Variants in GPC6 observed in about 807,000 individuals in gnomAD.
The protein encoded by GPC6 is glypican 6.
A neutral mutation model predicts 55.2 loss-of-function variants in GPC6; 14 were observed. The observed-to-expected ratio is 0.25, with a 90% CI of 0.17 to 0.40. GPC6 has a LOEUF of 0.40. Ranked by LOEUF, GPC6 falls within the 10% of genes least tolerant of loss-of-function variation. GPC6 has a pLI of 1.00. For synonymous variants in GPC6, 278 were observed against 259.6 expected (o/e 1.07, Z -0.68); for missense variants, 641 against 708.5 (o/e 0.90, Z 1.08).
At chr13:93,571,668 T>C (rs994507063) in intron 2 of GPC6, among the ~76,000 whole-genome samples, 5 of 152,206 alleles carry the variant, frequency 3.3e-5, no homozygotes, top group Admixed American at 6.5e-5. Context: ...CAGACTCTAA[T>C]TGCTGATTAA....
At chr13:94,261,340 C>T (rs731753) in intron 4 of GPC6, among the ~76,000 whole-genome samples, 27,362 of 152,064 alleles carry the variant, frequency 0.18, 2,738 homozygotes, top group East Asian at 0.28. Flanking sequence ...CAGGGTATGA[C>T]ACTGTTCTTG....
chr13:93,830,472 G>T lies in GPC6; in HGVS notation c.638G>T (p.Arg213Leu), dbSNP rs757847020. ...VPRKLKIQVT[R>L]AFIAARTFVQ... Reference sequence around the variant, plus strand: ...CGGAAACTGAAGATTCAGGTTACCCGCGCCTTCATTGCTGCCAGGACCTTT... The same window carrying T: ...CGGAAACTGAAGATTCAGGTTACCCTCGCCTTCATTGCTGCCAGGACCTTT... Residue 213 changes from arginine (R) to leucine (L), a missense_variant, in exon 3 of 9, where the codon CGC becomes CTC. Arg to Leu is a moderately radical substitution (Grantham distance 102, BLOSUM62 -2). Transcript: ENST00000377047. The T allele has an allele frequency of 3.1e-6, 5 of 1,613,810 alleles. No homozygotes were observed. In the South Asian group the frequency reaches 5.5e-5, roughly 18 times the overall value.
At chr13:94,016,882 A>G (rs1195013908) in intron 3 of GPC6, among the ~76,000 whole-genome samples, 2 of 151,002 alleles carry the variant, frequency 1.3e-5, no homozygotes, top group Admixed American at 1.3e-4. Context: ...TTGCCCAGGC[A>G]GGAGTGCAAT....
Position 94,403,086 on chromosome 13 carries a change from G to C in GPC6, c.1537G>C (p.Val513Leu). 6.2e-7 allele frequency: 1 copy of C among 1,613,948 alleles called. No individual in the cohort carries two copies. Among genetic ancestry groups the C allele is most frequent in the South Asian group, 1.1e-5 (1 of 91,084 alleles). Reference protein sequence around the residue: ...DDVCPTEFEFVTTEAPAVDPD... With the variant: ...DDVCPTEFEFLTTEAPAVDPD... ...CGTGTGTCCCACGGAGTTTGAGTTT[G>C]TCACCACAGAGGCCCCCGCAGTGGA... The change falls in exon 9 of 9, where the codon GTC (valine) becomes CTC (leucine). Residue 513 changes from valine (V) to leucine (L), a missense_variant. Coordinates refer to ENST00000377047, the MANE Select transcript of GPC6 (RefSeq NM_005708.5).
In GPC6 at chr13:93,957,006, C is replaced by G. The variant is rs190544703; in HGVS notation, c.712-70723C>G. Among the ~76,000 whole-genome samples the G allele has an allele frequency of 6.4e-4, 98 of 152,174 alleles. 1 individual carries two copies. Among genetic ancestry groups the G allele is most frequent in the Non-Finnish European group, 2.2e-4 (15 of 68,006 alleles). ...GGAATATCTATTGATATGGTATTCC[C>G]AAATTAGCCCAGGATCTAAACCCAT... is the stretch of plus-strand genomic sequence containing the variant. On this transcript the variant is annotated intron_variant, in intron 3 of 8. Coordinates refer to ENST00000377047, the MANE Select transcript of GPC6 (RefSeq NM_005708.5).
intron 2 of GPC6, among the ~76,000 whole-genome samples, chr13:93,679,449 AG>A (rs1255264628): frequency 1.3e-5 from 2 of 152,218 alleles, no homozygotes; most frequent in Non-Finnish European, 2.9e-5. Context: ...ACATGCCAAA[AG>A]AAAAGAATGC....
chr13:93,388,462 CAG>C (rs1875489062), intron 1 of GPC6, among the ~76,000 whole-genome samples: 1 of 152,172 alleles, frequency 6.6e-6, no homozygotes, highest in African/African-American at 2.4e-5. Context: ...AATGAGGAGA[CAG>C]AGATCATTTG....
At chr13:93,930,431 C>T (rs1314593632) in intron 3 of GPC6, among the ~76,000 whole-genome samples, 4 of 151,878 alleles carry the variant, frequency 2.6e-5, no homozygotes, top group African/African-American at 9.7e-5. Flanking sequence ...GCCACCACAC[C>T]TGGCTAATTT....
chr13:93,517,827 T>C (rs1246526568), intron 1 of GPC6, among the ~76,000 whole-genome samples: 1 of 152,054 alleles, frequency 6.6e-6, no homozygotes, highest in East Asian at 1.9e-4. Context: ...AATGCCTTCA[T>C]ATTAGATAAG....
intron 2 of GPC6, among the ~76,000 whole-genome samples, chr13:93,727,005 G>C (rs533916754): frequency 6.6e-6 from 1 of 152,132 alleles, no homozygotes; most frequent in South Asian, 2.1e-4. Context: ...TATAAATAGG[G>C]CTCCATTTAC....
intron 3 of GPC6, among the ~76,000 whole-genome samples, chr13:93,977,135 T>G (rs1356786416): frequency 1.3e-5 from 2 of 152,140 alleles, no homozygotes; most frequent in Non-Finnish European, 2.9e-5. Context: ...GGGTTCAAAT[T>G]GTTTTCATTA....
intron 1 of GPC6, among the ~76,000 whole-genome samples, chr13:93,243,552 AG>A (rs918165933): frequency 1.9e-4 from 29 of 152,184 alleles, no homozygotes; most frequent in African/African-American, 7.0e-4. Flanking sequence ...CCGGTCTCCC[AG>A]TGGCAGGTGC....
At chr13:94,280,116 T>C (rs1451349549) in intron 4 of GPC6, among the ~76,000 whole-genome samples, 1 of 152,214 alleles carries the variant, frequency 6.6e-6, no homozygotes, top group Non-Finnish European at 1.5e-5. Flanking sequence ...TTTATAAATC[T>C]GGGTGCTCTT....
At chr13:94,108,804 TGCACTCCAGCCTGAGCAACAAGAGCGA>T (rs967397682) in intron 4 of GPC6, among the ~76,000 whole-genome samples, 1 of 150,858 alleles carries the variant, frequency 6.6e-6, no homozygotes, top group African/African-American at 2.4e-5. Context: ...ATGGCAGCAT[TGCACTCCAGCCTGAGCAACAAGAGCGA>T]GACTCCGTCT....
chr13:93,558,690 T>A (rs1463457008), intron 2 of GPC6, among the ~76,000 whole-genome samples: 1 of 152,202 alleles, frequency 6.6e-6, no homozygotes, highest in East Asian at 1.9e-4. Flanking sequence ...TGCTTGTTTA[T>A]TTTCATTTAA....
chr13:93,847,195 A>G (rs1888211285), intron 3 of GPC6, among the ~76,000 whole-genome samples: 2 of 152,154 alleles, frequency 1.3e-5, no homozygotes, highest in Admixed American at 1.3e-4. Flanking sequence ...GGAAGGTTGC[A>G]AGTCATCATG....
chr13:94,009,408 C>A (rs1209060645), intron 3 of GPC6, among the ~76,000 whole-genome samples: 2 of 152,122 alleles, frequency 1.3e-5, no homozygotes, highest in Non-Finnish European at 2.9e-5. Flanking sequence ...CATGCATAAT[C>A]ATGTTTTGAA....
At chr13:93,784,104 C>T (rs1311033091) in intron 2 of GPC6, among the ~76,000 whole-genome samples, 2 of 152,052 alleles carry the variant, frequency 1.3e-5, no homozygotes, top group Admixed American at 6.6e-5. Flanking sequence ...GTACATAAAG[C>T]AGTACCTATA....
intron 3 of GPC6, among the ~76,000 whole-genome samples, chr13:93,886,491 C>T (rs79876822): frequency 0.062 from 9,364 of 150,516 alleles, 907 homozygotes; most frequent in African/African-American, 0.21. Context: ...AGGTAAAAAA[C>T]GAAAAAAAAA....
Sources: gnomAD v4.1 joint callset for allele counts (sites outside exome capture counted in the v4.1 genomes callset) on GRCh38, gnomAD v4.1.1 for gene constraint, MANE v1.5 for transcripts, NCBI Gene and HGNC (gene_info 2026-07-23, HGNC 2026-07-21) for gene names.